Variants in THSD7B observed in about 807,000 individuals in gnomAD.
THSD7B encodes thrombospondin type-1 domain-containing protein 7B.
A neutral mutation model predicts 213.6 loss-of-function variants in THSD7B; 138 were observed. That is an observed-to-expected ratio of 0.65 (90% CI 0.56 to 0.74). THSD7B has a LOEUF of 0.74. THSD7B is among the 30% of genes least tolerant of loss of function. The pLI is 0.00. For missense variants in THSD7B, 1,931 were observed against 1,991.5 expected (o/e 0.97, Z 0.58); for synonymous variants, 742 against 687.0 (o/e 1.08, Z -1.25).
intron 2 of THSD7B, among the ~76,000 whole-genome samples, chr2:136,933,862 C>T (rs1322563557): frequency 6.6e-6 from 1 of 152,116 alleles, no homozygotes; most frequent in Non-Finnish European, 1.5e-5. Context: ...TCTACTGACC[C>T]AGAGTGGCAG....
intron 2 of THSD7B, among the ~76,000 whole-genome samples, chr2:136,993,720 A>G (rs1685829250): frequency 6.6e-6 from 1 of 152,188 alleles, no homozygotes; most frequent in Non-Finnish European, 1.5e-5. Context: ...AACAACAAAG[A>G]CACATTTGCT....
At chr2:137,233,614 C>T (rs753646158) in intron 9 of THSD7B, among the ~76,000 whole-genome samples, 2 of 152,116 alleles carry the variant, frequency 1.3e-5, no homozygotes, top group Non-Finnish European at 2.9e-5. Flanking sequence ...CAGAAGTTTA[C>T]AATCTCATGC....
At position 136,916,099 on chromosome 2, in the gene THSD7B, G is replaced by C. The variant is rs959193726; in HGVS notation, c.139+33782G>C. On this transcript the variant is annotated intron_variant, in intron 2 of 27. Coordinates refer to ENST00000409968, the MANE Select transcript of THSD7B (RefSeq NM_001316349.2). ...CTAGAGGGAAGAAGTACAGGTACAG[G>C]CAATGATGGATGTTTTTGTTTTTGT... Among the ~76,000 whole-genome samples, 4 of 152,130 alleles carry C rather than the reference G, an allele frequency of 2.6e-5. No individual in the cohort carries two copies. The East Asian group carries it at 7.7e-4, about 29-fold the overall frequency.
intron 4 of THSD7B, among the ~76,000 whole-genome samples, chr2:137,114,770 A>G (rs569247503): frequency 1.7e-4 from 26 of 152,292 alleles, no homozygotes; most frequent in African/African-American, 5.8e-4. Flanking sequence ...GTGGAGTGAA[A>G]TCCCATGACA....
intron 15 of THSD7B, among the ~76,000 whole-genome samples, chr2:137,559,543 C>A (rs1172950707): frequency 6.6e-6 from 1 of 152,170 alleles, no homozygotes; most frequent in Non-Finnish European, 1.5e-5. Flanking sequence ...CCCTTCCTTA[C>A]ACAGTATACA....
At chr2:137,227,303 A>C (rs1251338532) in intron 7 of THSD7B, among the ~76,000 whole-genome samples, 1 of 152,210 alleles carries the variant, frequency 6.6e-6, no homozygotes, top group East Asian at 1.9e-4. Context: ...AAATAAGTCT[A>C]TTCCACAAGG....
intron 2 of THSD7B, among the ~76,000 whole-genome samples, chr2:136,938,222 C>G (rs1684764885): frequency 6.6e-6 from 1 of 152,086 alleles, no homozygotes; most frequent in African/African-American, 2.4e-5. Flanking sequence ...TTCTAAACAG[C>G]AGATTGTGAG....
intron 12 of THSD7B, among the ~76,000 whole-genome samples, chr2:137,276,272 A>G (rs1682869436): frequency 6.9e-6 from 1 of 144,680 alleles, no homozygotes; most frequent in South Asian, 2.1e-4. Flanking sequence ...GTTCTCGGTC[A>G]TAGTGTAGCC....
In THSD7B at chr2:137,141,482, GCACACACACACT is replaced by G. The variant is rs1290564306; in HGVS notation, c.1370-18719_1370-18708del. Among the ~76,000 whole-genome samples, 11 of 79,224 alleles carry G rather than the reference GCACACACACACT, an allele frequency of 1.4e-4. No individual in the cohort carries two copies. In the East Asian group the frequency reaches 2.3e-3, roughly 16 times the overall value. The allele number at this position is 79,224 out of a possible 152,430, so 52.0% of individuals were successfully genotyped here. A position where few individuals can be genotyped will look rare whatever the true frequency, so the allele number is the denominator to read the frequency against. On this transcript the variant is annotated intron_variant, in intron 5 of 27. Transcript: ENST00000409968. ...AAATTGCGTAGAAACACACATGTGT[GCACACACACACT>G]CACACACACACACACACACACACAC...
At chr2:136,915,859 A>G (rs138962790) in intron 2 of THSD7B, among the ~76,000 whole-genome samples, 255 of 152,374 alleles carry the variant, frequency 1.7e-3, no homozygotes, top group Non-Finnish European at 3.3e-3. Flanking sequence ...CAACAAAAGG[A>G]GATATCTTCT....
chr2:137,283,567 C>T (rs1433472346), intron 12 of THSD7B, among the ~76,000 whole-genome samples: 2 of 152,090 alleles, frequency 1.3e-5, no homozygotes, highest in Non-Finnish European at 2.9e-5. Flanking sequence ...TTTTGAGATA[C>T]TTCCCATCAA....
chr2:137,132,277 T>C (rs1291883689), intron 5 of THSD7B, among the ~76,000 whole-genome samples: 1 of 151,556 alleles, frequency 6.6e-6, no homozygotes, highest in Non-Finnish European at 1.5e-5. Flanking sequence ...AAGGAGATTT[T>C]AGGCTGAGAC....
intron 2 of THSD7B, among the ~76,000 whole-genome samples, chr2:136,911,896 T>TAGC (rs1264064738): frequency 1.3e-5 from 2 of 152,164 alleles, no homozygotes; most frequent in African/African-American, 4.8e-5. Context: ...CCATGGTTGA[T>TAGC]AGCTAGATGA....
At chr2:137,179,495 A>G (rs1680415099) in intron 7 of THSD7B, among the ~76,000 whole-genome samples, 1 of 152,026 alleles carries the variant, frequency 6.6e-6, no homozygotes, top group South Asian at 2.1e-4. Context: ...TATGGCCAGT[A>G]TGACTAGAAA....
chr2:137,670,862 A>G (rs1193955724), intron 27 of THSD7B, among the ~76,000 whole-genome samples: 2 of 144,932 alleles, frequency 1.4e-5, no homozygotes, highest in South Asian at 2.2e-4. Flanking sequence ...CGGAGCTTGC[A>G]GTGAGCCAAG....
At chr2:137,131,065 G>A (rs1424880254) in intron 5 of THSD7B, among the ~76,000 whole-genome samples, 15 of 137,980 alleles carry the variant, frequency 1.1e-4, no homozygotes, top group Middle Eastern at 7.2e-3. Flanking sequence ...TTTAATGATC[G>A]CCATTCTAAC....
At chr2:136,976,666 C>A in intron 2 of THSD7B, among the ~76,000 whole-genome samples, 1 of 151,662 alleles carries the variant, frequency 6.6e-6, no homozygotes, top group Non-Finnish European at 1.5e-5. Context: ...TGGAGTCTCG[C>A]TCTGTCGCTC....
rs190647646 is a variant in THSD7B at position 137,443,203 on chromosome 2, A to G, written c.2960-7642A>G. On this transcript the variant is annotated intron_variant, in intron 14 of 27. Transcript: ENST00000409968. ...GGAGTTAATGTTGCAAGCTCTGCCTATAAGAACAACTGAGATACCATTGTG... is the reference window on the plus strand; with the variant it reads ...GGAGTTAATGTTGCAAGCTCTGCCTGTAAGAACAACTGAGATACCATTGTG... Among the ~76,000 whole-genome samples the G allele has an allele frequency of 1.7e-4, 26 of 152,236 alleles. No homozygotes were observed. The East Asian group carries it at 2.5e-3, about 15-fold the overall frequency.
chr2:137,577,719 A>G (rs1363153506), intron 17 of THSD7B, among the ~76,000 whole-genome samples: 1 of 152,158 alleles, frequency 6.6e-6, no homozygotes, highest in Non-Finnish European at 1.5e-5. Flanking sequence ...TCAGCCATAA[A>G]TACTTCTATA....
Sources: gnomAD v4.1 joint callset for allele counts (sites outside exome capture counted in the v4.1 genomes callset) on GRCh38, gnomAD v4.1.1 for gene constraint, MANE v1.5 for transcripts, NCBI Gene and HGNC (gene_info 2026-07-23, HGNC 2026-07-21) for gene names.